PPFIA2: variants seen among roughly 807,000 people sequenced by gnomAD.
PPFIA2 encodes liprin-alpha-2.
Under a neutral mutation model 175.5 loss-of-function variants are expected in PPFIA2, and 46 were observed. The ratio of observed to expected loss-of-function variants is 0.26; its 90% CI spans 0.21 to 0.34. PPFIA2 has a LOEUF of 0.34. Among genes scored for constraint, PPFIA2 ranks in the 10% least tolerant of loss-of-function variants. The probability of loss-of-function intolerance (pLI) is 1.00; values close to 1 mark genes in which losing one functional copy is unlikely to be tolerated. For synonymous variants in PPFIA2, 568 were observed against 511.4 expected (o/e 1.11, Z -1.49); for missense variants, 1,179 against 1,506.1 (o/e 0.78, Z 3.60).
At chr12:81,346,865 C>T (rs995421864) in intron 18 of PPFIA2, among the ~76,000 whole-genome samples, 4 of 151,694 alleles carry the variant, frequency 2.6e-5, no homozygotes, top group African/African-American at 7.3e-5. Context: ...AAGTGATTTC[C>T]TCCGTATGCC....
rs543197926 is a variant in PPFIA2, at chr12:81,284,120, A to T, written c.2988+121T>A. 19 of 736,898 alleles carry T rather than the reference A, an allele frequency of 2.6e-5. No homozygotes were observed. In the African/African-American group the frequency reaches 3.4e-4, roughly 13 times the overall value. The allele number at this position is 736,898 out of a possible 1,614,324, so 45.6% of individuals were successfully genotyped here. A position where few individuals can be genotyped will look rare whatever the true frequency, so the allele number is the denominator to read the frequency against. On this transcript the variant is annotated intron_variant, in intron 25 of 32. Coordinates refer to ENST00000549396, the MANE Select transcript of PPFIA2 (RefSeq NM_003625.5). ...AAAACTGTAAAAAATGTTAGTTATCATTGCATGTAACTATAAAAACACACC... is the reference window on the plus strand; with the variant it reads ...AAAACTGTAAAAAATGTTAGTTATCTTTGCATGTAACTATAAAAACACACC...
At chr12:81,263,519 C>T (rs940603234) in intron 30 of PPFIA2, 129 bp from the exon 31 acceptor site, 13 of 693,676 alleles carry the variant, frequency 1.9e-5, no homozygotes, top group African/African-American at 7.2e-5. Context: ...TATGGAATCA[C>T]GCTTTATCAA....
chr12:81,467,766 C>G (rs965076071), intron 4 of PPFIA2, among the ~76,000 whole-genome samples: 3 of 152,064 alleles, frequency 2.0e-5, no homozygotes, highest in South Asian at 2.1e-4. Context: ...TTTAATGAAC[C>G]CTTGCATTGC....
intron 7 of PPFIA2, among the ~76,000 whole-genome samples, chr12:81,418,981 G>T (rs1169011927): frequency 1.3e-5 from 2 of 151,854 alleles, no homozygotes; most frequent in East Asian, 3.9e-4. Flanking sequence ...GTTTAAAATT[G>T]AATGTCAATT....
intron 3 of PPFIA2, among the ~76,000 whole-genome samples, chr12:81,746,339 A>G (rs1323419700): frequency 2.8e-5 from 4 of 144,392 alleles, no homozygotes; most frequent in Non-Finnish European, 4.7e-5. Context: ...TTAAGGGGAT[A>G]AGATTCATTT....
chr12:81,621,220 A>G (rs1220103675), intron 4 of PPFIA2, among the ~76,000 whole-genome samples: 1 of 152,180 alleles, frequency 6.6e-6, no homozygotes, highest in Non-Finnish European at 1.5e-5. Flanking sequence ...CAGGCAGAGA[A>G]TAAGATGCAA....
At chr12:81,503,601 C>T (rs1217216330) in intron 4 of PPFIA2, among the ~76,000 whole-genome samples, 1 of 148,270 alleles carries the variant, frequency 6.7e-6, no homozygotes, top group Admixed American at 6.7e-5. Context: ...AAAAAAAAAA[C>T]TTTTTAGTCA....
intron 4 of PPFIA2, among the ~76,000 whole-genome samples, chr12:81,671,112 C>T (rs2071322626): frequency 6.6e-6 from 1 of 151,860 alleles, no homozygotes; most frequent in Admixed American, 6.6e-5. Context: ...CTCAACTTAA[C>T]ATGTCTAAAA....
At chr12:81,334,083 T>C (rs1594968005) in intron 21 of PPFIA2, among the ~76,000 whole-genome samples, 1 of 152,320 alleles carries the variant, frequency 6.6e-6, no homozygotes, top group Non-Finnish European at 1.5e-5. Flanking sequence ...TAGTCTGACA[T>C]GGCTATTTTT....
At chr12:81,403,220 G>A (rs144159547) in intron 8 of PPFIA2, among the ~76,000 whole-genome samples, 135 of 152,264 alleles carry the variant, frequency 8.9e-4, no homozygotes, top group African/African-American at 3.1e-3. Context: ...TCCACTGGCT[G>A]AAATGCCTTC....
chr12:81,314,108 T>C (rs892727643), intron 22 of PPFIA2, among the ~76,000 whole-genome samples: 1 of 151,912 alleles, frequency 6.6e-6, no homozygotes, highest in African/African-American at 2.4e-5. Context: ...CAAGCAGCTA[T>C]ATCACTTTAG....
chr12:81,278,636 T>C (rs901464089), intron 27 of PPFIA2, among the ~76,000 whole-genome samples: 6 of 151,694 alleles, frequency 4.0e-5, no homozygotes, highest in African/African-American at 1.5e-4. Flanking sequence ...GAGAAATCAA[T>C]TCAGGGTTCA....
chr12:81,713,731 T>C (rs2078239196), intron 3 of PPFIA2, among the ~76,000 whole-genome samples: 1 of 151,220 alleles, frequency 6.6e-6, no homozygotes, highest in Non-Finnish European at 1.5e-5. Flanking sequence ...CTATGAAGTT[T>C]ATTGCTGTCT....
intron 24 of PPFIA2, among the ~76,000 whole-genome samples, chr12:81,285,366 A>G (rs2043067064): frequency 6.6e-6 from 1 of 152,140 alleles, no homozygotes; most frequent in African/African-American, 2.4e-5. Context: ...TTACCCAAAC[A>G]TTACAAGTCA....
At chr12:81,289,373 C>T (rs1258708421) in intron 24 of PPFIA2, among the ~76,000 whole-genome samples, 1 of 151,826 alleles carries the variant, frequency 6.6e-6, no homozygotes, top group Non-Finnish European at 1.5e-5. Context: ...TCAAAAATCA[C>T]TTTGTTTAAA....
At position 81,467,398 on chromosome 12, in the gene PPFIA2, C is replaced by T. The variant is rs187585138; in HGVS notation, c.304-9532G>A. Among the ~76,000 whole-genome samples, 348 of 151,562 alleles carry T rather than the reference C, an allele frequency of 2.3e-3. 5 individuals carry two copies. In the East Asian group the frequency reaches 0.027, roughly 12 times the overall value. On this transcript the variant is annotated intron_variant, in intron 4 of 32. Coordinates refer to ENST00000549396, the MANE Select transcript of PPFIA2 (RefSeq NM_003625.5). Reference sequence around the variant, plus strand: ...AACAGTTCTTAAAAGCTTTCTTAAACATGTCTCTGGCCAGGCGTGGTGGCT... The same window carrying T: ...AACAGTTCTTAAAAGCTTTCTTAAATATGTCTCTGGCCAGGCGTGGTGGCT...
At chr12:81,612,959 T>C (rs1011829593) in intron 4 of PPFIA2, among the ~76,000 whole-genome samples, 1 of 152,224 alleles carries the variant, frequency 6.6e-6, no homozygotes. Context: ...TTTACATGTA[T>C]TATCATGGTG....
chr12:81,351,176 T>C (rs1162701875), intron 17 of PPFIA2, among the ~76,000 whole-genome samples: 1 of 152,172 alleles, frequency 6.6e-6, no homozygotes, highest in Non-Finnish European at 1.5e-5. Flanking sequence ...CCATCTATTA[T>C]TAGGGTACTA....
intron 4 of PPFIA2, among the ~76,000 whole-genome samples, chr12:81,547,523 G>A (rs1424171743): frequency 1.3e-5 from 2 of 152,122 alleles, no homozygotes; most frequent in Non-Finnish European, 2.9e-5. Context: ...TTACAGGCAT[G>A]CGCCACTACA....
Sources: allele counts gnomAD v4.1 joint callset (sites outside exome capture counted in the v4.1 genomes callset), GRCh38; gene constraint gnomAD v4.1.1; transcripts MANE v1.5; gene names NCBI Gene and HGNC (gene_info 2026-07-23, HGNC 2026-07-21).